Variants in MMP16 observed in about 807,000 individuals in gnomAD.
The protein encoded by MMP16 is matrix metalloproteinase-16.
A neutral mutation model predicts 67.8 loss-of-function variants in MMP16; 12 were observed. The observed-to-expected ratio is 0.18, with a 90% CI of 0.11 to 0.29. The LOEUF is 0.29. Ranked by LOEUF, MMP16 falls within the 10% of genes least tolerant of loss-of-function variation. The probability of loss-of-function intolerance (pLI) is 1.00; values close to 1 mark genes in which losing one functional copy is unlikely to be tolerated. For missense variants in MMP16, 475 were observed against 765.7 expected (o/e 0.62, Z 4.48); for synonymous variants, 249 against 255.9 (o/e 0.97, Z 0.26).
intron 1 of MMP16, among the ~76,000 whole-genome samples, chr8:88,205,784 AC>A: frequency 6.6e-6 from 1 of 152,242 alleles, no homozygotes; most frequent in East Asian, 1.9e-4. Flanking sequence ...CAATCTATGC[AC>A]CTATGACACA....
chr8:88,200,028 A>G (rs1026231850), intron 1 of MMP16, among the ~76,000 whole-genome samples: 6 of 152,028 alleles, frequency 3.9e-5, no homozygotes, highest in African/African-American at 1.4e-4. Flanking sequence ...CCTTAGCATA[A>G]TTCTTGCTCA....
At chr8:88,092,601 C>T (rs760445253) in intron 6 of MMP16, among the ~76,000 whole-genome samples, 32 of 151,626 alleles carry the variant, frequency 2.1e-4, no homozygotes, top group Admixed American at 4.6e-4. Context: ...TAAAAGTCTG[C>T]CAGGCAAAGG....
At chr8:88,079,568 C>A (rs1808711868) in intron 6 of MMP16, among the ~76,000 whole-genome samples, 1 of 152,090 alleles carries the variant, frequency 6.6e-6, no homozygotes, top group African/African-American at 2.4e-5. Flanking sequence ...AATCACAAAT[C>A]ATCCATTAAT....
chr8:88,128,909 A>G (rs983363400), intron 4 of MMP16, among the ~76,000 whole-genome samples: 6 of 151,802 alleles, frequency 4.0e-5, no homozygotes, highest in Admixed American at 3.3e-4. Flanking sequence ...CTCCTAAAGA[A>G]GAATAAATGT....
Position 88,311,720 on chromosome 8 carries a change from G to A in MMP16, c.132+15355C>T, listed in dbSNP as rs28907889. Among the ~76,000 whole-genome samples the A allele has an allele frequency of 4.2e-3, 640 of 152,028 alleles. 5 individuals are homozygous for A. The highest frequency in any genetic ancestry group is 0.014 in the African/African-American group (592 of 41,462). ...ATTCTGGGTTTTCATTAATGTTTAG[G>A]AGTGGACAGCCATCTTTAATGTGAG... On this transcript the variant is annotated intron_variant, in intron 1 of 9. Transcript: ENST00000286614.
At chr8:88,055,538 CT>C (rs1451633029) in intron 8 of MMP16, among the ~76,000 whole-genome samples, 1 of 152,064 alleles carries the variant, frequency 6.6e-6, no homozygotes, top group Non-Finnish European at 1.5e-5. Flanking sequence ...ACAATTCTCT[CT>C]CATTTTGTGA....
At chr8:88,313,857 G>A (rs1202049264) in intron 1 of MMP16, among the ~76,000 whole-genome samples, 1 of 152,096 alleles carries the variant, frequency 6.6e-6, no homozygotes, top group Non-Finnish European at 1.5e-5. Context: ...GAGAGAGCTT[G>A]TGCAGAGAAA....
chr8:88,177,239 A>C (rs867146870), intron 3 of MMP16, among the ~76,000 whole-genome samples: 1 of 152,328 alleles, frequency 6.6e-6, no homozygotes, highest in Middle Eastern at 3.4e-3. Context: ...TATTAAAAAG[A>C]CTGATATGGT....
At chr8:88,176,260 T>C (rs1808888691) in intron 3 of MMP16, among the ~76,000 whole-genome samples, 1 of 152,206 alleles carries the variant, frequency 6.6e-6, no homozygotes, top group Non-Finnish European at 1.5e-5. Context: ...CAAACATAAT[T>C]ACTTGTATGC....
intron 1 of MMP16, among the ~76,000 whole-genome samples, chr8:88,300,905 C>T (rs1811088025): frequency 6.6e-6 from 1 of 151,902 alleles, no homozygotes; most frequent in Non-Finnish European, 1.5e-5. Context: ...CAAAAATAAC[C>T]TCAAAGCAAT....
intron 1 of MMP16, among the ~76,000 whole-genome samples, chr8:88,313,159 G>A (rs1811322975): frequency 6.6e-6 from 1 of 152,112 alleles, no homozygotes; most frequent in Non-Finnish European, 1.5e-5. Context: ...CCATTATATG[G>A]ATGTATCAGA....
In MMP16 at chr8:88,187,928, A is replaced by C. The variant is rs566518030; in HGVS notation, c.282-1330T>G. ...TTAAAGTCCACGAATTAAAAAATAC[A>C]TCTTGTAAACGCTAAATTCTAAGAG... On this transcript the variant is annotated intron_variant, in intron 2 of 9. Coordinates refer to ENST00000286614, the MANE Select transcript of MMP16 (RefSeq NM_005941.5). Among the ~76,000 whole-genome samples, 561 of 152,300 alleles carry C rather than the reference A, an allele frequency of 3.7e-3. 4 individuals carry two copies. Among genetic ancestry groups the C allele is most frequent in the African/African-American group, 0.013 (531 of 41,548 alleles).
At chr8:88,130,816 G>T (rs1040957558) in intron 4 of MMP16, among the ~76,000 whole-genome samples, 1 of 150,894 alleles carries the variant, frequency 6.6e-6, no homozygotes, top group Non-Finnish European at 1.5e-5. Context: ...AATGAATAAA[G>T]CACTTATGTT....
intron 6 of MMP16, among the ~76,000 whole-genome samples, chr8:88,086,305 T>G (rs958859842): frequency 6.6e-6 from 1 of 151,942 alleles, no homozygotes; most frequent in African/African-American, 2.4e-5. Context: ...CAGATAAGAA[T>G]GCACCACACA....
intron 1 of MMP16, among the ~76,000 whole-genome samples, chr8:88,277,361 A>G (rs1424394730): frequency 6.6e-6 from 1 of 152,076 alleles, no homozygotes; most frequent in Non-Finnish European, 1.5e-5. Flanking sequence ...TTATTCAGAT[A>G]AAGTCTCACA....
intron 3 of MMP16, among the ~76,000 whole-genome samples, chr8:88,180,987 G>A (rs1411402482): frequency 6.6e-6 from 1 of 151,994 alleles, no homozygotes; most frequent in Non-Finnish European, 1.5e-5. Context: ...AAAATCCAAC[G>A]CCCATTCACA....
intron 4 of MMP16, 120 bp from the exon 5 acceptor site, chr8:88,118,981 C>G (rs1236322713): frequency 2.1e-6 from 2 of 938,966 alleles, no homozygotes; most frequent in Non-Finnish European, 3.2e-6. Flanking sequence ...TTTCCTTCAA[C>G]TATTTGTATG....
At chr8:88,151,638 A>G (rs1249208465) in intron 4 of MMP16, among the ~76,000 whole-genome samples, 1 of 146,258 alleles carries the variant, frequency 6.8e-6, no homozygotes, top group Non-Finnish European at 1.5e-5. Context: ...AAATGAAGGC[A>G]GAAATAAAGA....
chr8:88,236,691 G>A (rs1202558176), intron 1 of MMP16, among the ~76,000 whole-genome samples: 1 of 152,118 alleles, frequency 6.6e-6, no homozygotes, highest in African/African-American at 2.4e-5. Context: ...TGAGGCTGCA[G>A]TGAGCCGAGA....
Sources: allele counts gnomAD v4.1 joint callset (sites outside exome capture counted in the v4.1 genomes callset), GRCh38; gene constraint gnomAD v4.1.1; transcripts MANE v1.5; gene names NCBI Gene and HGNC (gene_info 2026-07-23, HGNC 2026-07-21).